Variants in TSPAN2 observed in about 807,000 individuals in gnomAD.
TSPAN2 encodes the protein tetraspanin-2.
Under a neutral mutation model 33.3 loss-of-function variants are expected in TSPAN2, and 24 were observed. The ratio of observed to expected loss-of-function variants is 0.72; its 90% CI spans 0.52 to 1.01. The LOEUF (loss-of-function observed/expected upper bound fraction) is 1.01, where lower values mean the gene tolerates loss of function less well. TSPAN2 is among the 50% of genes least tolerant of loss of function. The pLI, the probability that TSPAN2 is intolerant of heterozygous loss-of-function variation, is 0.00. For synonymous variants in TSPAN2, 114 were observed against 104.5 expected (o/e 1.09, Z -0.56); for missense variants, 278 against 281.3 (o/e 0.99, Z 0.08).
intron 1 of TSPAN2, among the ~76,000 whole-genome samples, chr1:115,087,079 C>T (rs549449129): frequency 6.6e-6 from 1 of 152,088 alleles, no homozygotes; most frequent in Non-Finnish European, 1.5e-5. Flanking sequence ...ACCACCATGC[C>T]CGGCTAATTT....
chr1:115,088,366 A>G (rs1419681248), intron 1 of TSPAN2, among the ~76,000 whole-genome samples: 1 of 152,106 alleles, frequency 6.6e-6, no homozygotes, highest in Non-Finnish European at 1.5e-5. Context: ...GCTGCTCTCA[A>G]ACCTCTTTAT....
chr1:115,057,062 G>A (rs1000791662), intron 6 of TSPAN2, among the ~76,000 whole-genome samples: 9 of 152,284 alleles, frequency 5.9e-5, no homozygotes, highest in Admixed American at 4.6e-4. Flanking sequence ...ATCAAGTGCT[G>A]ACACTCAGAC....
chr1:115,069,637 C>T (rs997472060), intron 2 of TSPAN2, among the ~76,000 whole-genome samples: 1 of 152,212 alleles, frequency 6.6e-6, no homozygotes, highest in Non-Finnish European at 1.5e-5. Context: ...CCAGTATTAA[C>T]CCTTGACCTT....
In TSPAN2 at chr1:115,072,975, T is replaced by G. The variant is rs1648242337; in HGVS notation, c.102A>C (p.Leu34=). The G allele has an allele frequency of 6.2e-7, 1 of 1,613,910 alleles. No homozygotes were observed. ...LAGSAVIAFG[L]WFRFGGAIKE... ...TTATGGCACCTCCGAACCGAAACCA[T>G]AGTCCAAAAGCAATGACGGCCGATC... Residue 34 remains leucine (L), a synonymous_variant, in exon 2 of 8, where the codon CTA becomes CTC. Transcript: ENST00000369516.
chr1:115,073,541 C>T (rs1648276524), intron 1 of TSPAN2, among the ~76,000 whole-genome samples: 1 of 133,700 alleles, frequency 7.5e-6, no homozygotes, highest in Non-Finnish European at 1.6e-5. Context: ...CGTGAGTGCA[C>T]AGTCCCCAAA....
intron 2 of TSPAN2, among the ~76,000 whole-genome samples, chr1:115,063,911 C>T (rs1051509085): frequency 6.6e-6 from 1 of 152,104 alleles, no homozygotes; most frequent in South Asian, 2.1e-4. Flanking sequence ...ACTAGAGGGG[C>T]ACAGGTGTTG....
intron 1 of TSPAN2, among the ~76,000 whole-genome samples, chr1:115,077,984 C>G (rs1048578694): frequency 9.2e-5 from 14 of 152,196 alleles, no homozygotes; most frequent in Non-Finnish European, 1.5e-5. Flanking sequence ...AAAAAAGCCC[C>G]CTTTGGGGGT....
intron 5 of TSPAN2, chr1:115,058,400 T>G: frequency 4.9e-6 from 1 of 203,912 alleles, no homozygotes; most frequent in Non-Finnish European, 9.7e-6. Context: ...CAGAAGGGAG[T>G]GTAGCCATCT....
At chr1:115,065,785 A>T (rs1024039570) in intron 2 of TSPAN2, among the ~76,000 whole-genome samples, 2 of 152,192 alleles carry the variant, frequency 1.3e-5, no homozygotes, top group African/African-American at 4.8e-5. Flanking sequence ...CTACTTTGAA[A>T]TATATAAAAA....
intron 2 of TSPAN2, among the ~76,000 whole-genome samples, chr1:115,067,889 C>T (rs528962253): frequency 6.6e-6 from 1 of 152,186 alleles, no homozygotes; most frequent in African/African-American, 2.4e-5. Context: ...AAGAAGACCC[C>T]TGGGGTGTCT....
chr1:115,052,549 G>A (rs1186093700), intron 7 of TSPAN2, among the ~76,000 whole-genome samples: 2 of 152,094 alleles, frequency 1.3e-5, no homozygotes, highest in African/African-American at 4.8e-5. Context: ...CCCTTTCAAA[G>A]GGGCATACAA....
At chr1:115,069,793 T>C (rs1029649398) in intron 2 of TSPAN2, among the ~76,000 whole-genome samples, 2 of 152,156 alleles carry the variant, frequency 1.3e-5, no homozygotes, top group Non-Finnish European at 2.9e-5. Flanking sequence ...AGTGTGTGTA[T>C]TGTTTGGTTT....
At chr1:115,089,323 G>T in intron 1 of TSPAN2, 41 bp downstream of exon 1, 1 of 954,686 alleles carries the variant, frequency 1.0e-6, no homozygotes, top group Non-Finnish European at 1.6e-6. Flanking sequence ...CCCGCCACCC[G>T]GCCCCCTGCC....
intron 2 of TSPAN2, among the ~76,000 whole-genome samples, chr1:115,065,424 T>C (rs528742882): frequency 6.6e-5 from 10 of 152,334 alleles, no homozygotes; most frequent in African/African-American, 2.4e-4. Context: ...TACGACCTAC[T>C]TCCCAAAGCC....
intron 1 of TSPAN2, among the ~76,000 whole-genome samples, chr1:115,080,749 A>AG (rs1648593905): frequency 1.3e-5 from 2 of 152,222 alleles, no homozygotes; most frequent in Admixed American, 6.5e-5. Context: ...TACCTCATCA[A>AG]GGGGATAAGC....
intron 1 of TSPAN2, among the ~76,000 whole-genome samples, chr1:115,078,118 C>A (rs12137569): frequency 2.0e-5 from 3 of 152,090 alleles, no homozygotes; most frequent in Middle Eastern, 3.2e-3. Flanking sequence ...GTGGAGGTCT[C>A]TGTTCTTGCT....
chr1:115,059,467 C>A (rs568143227), intron 4 of TSPAN2, among the ~76,000 whole-genome samples: 1 of 152,314 alleles, frequency 6.6e-6, no homozygotes, highest in South Asian at 2.1e-4. Flanking sequence ...ATCAACTGGG[C>A]CCCAGATTCC....
chr1:115,058,933 G>C lies in TSPAN2; in HGVS notation c.394C>G (p.Leu132Val). 1 of 1,614,122 alleles carries C rather than the reference G, an allele frequency of 6.2e-7. No individual in the cohort carries two copies. The highest frequency in any genetic ancestry group is 8.5e-7 in the Non-Finnish European group (1 of 1,179,992). The change falls in exon 5 of 8, where the codon CTT (leucine) becomes GTT (valine). Residue 132 changes from leucine (L) to valine (V), a missense_variant. By Grantham distance (32) the Leu-to-Val change is conservative (BLOSUM62 1). Coordinates refer to ENST00000369516, the MANE Select transcript of TSPAN2 (RefSeq NM_005725.6). ...CCATTGCCTTTTCCCCTGTCTTTAA[G>C]GTAATCATTGTAAGCCTCTTCATAC... ...TMYEEAYNDY[L>V]KDRGKGNGTL... is the part of the protein sequence containing the mutation.
rs1317613659 is a variant in TSPAN2 at position 115,052,014 on chromosome 1, A to G, written c.600+1365T>C. Among the ~76,000 whole-genome samples, 3 of 152,238 alleles carry G rather than the reference A, an allele frequency of 2.0e-5. No individual in the cohort carries two copies. The South Asian group carries it at 6.2e-4, about 32-fold the overall frequency. On this transcript the variant is annotated intron_variant, in intron 7 of 7. Coordinates refer to ENST00000369516, the MANE Select transcript of TSPAN2 (RefSeq NM_005725.6). ...AGTGAGACTCCTTCAGTCTCAGCCT[A>G]CTGCCGACACGAGTCAGGGGTGAAT...
Sources: allele counts gnomAD v4.1 joint callset (sites outside exome capture counted in the v4.1 genomes callset), GRCh38; gene constraint gnomAD v4.1.1; transcripts MANE v1.5; gene names NCBI Gene and HGNC (gene_info 2026-07-23, HGNC 2026-07-21).